WARS1: variants seen among roughly 807,000 people sequenced by gnomAD.
WARS1 encodes the protein tryptophanyl-tRNA synthetase 1.
A neutral mutation model predicts 47.8 loss-of-function variants in WARS1; 17 were observed. The observed-to-expected ratio is 0.36, with a 90% CI of 0.24 to 0.53. WARS1 has a LOEUF of 0.53. Ranked by LOEUF, WARS1 falls within the 20% of genes least tolerant of loss-of-function variation. The pLI, the probability that WARS1 is intolerant of heterozygous loss-of-function variation, is 0.91. For synonymous variants in WARS1, 208 were observed against 228.1 expected (o/e 0.91, Z 0.79); for missense variants, 434 against 608.0 (o/e 0.71, Z 3.01).
chr14:100,338,452 A>G (rs927740506), intron 9 of WARS1, among the ~76,000 whole-genome samples: 3 of 152,014 alleles, frequency 2.0e-5, no homozygotes, highest in Non-Finnish European at 2.9e-5. Context: ...TTTTTTGTAG[A>G]GACCAGGTTT....
In WARS1 at chr14:100,334,757, C is replaced by T; in HGVS notation, c.*118G>A. The T allele has an allele frequency of 8.2e-7, 1 of 1,226,644 alleles. No individual in the cohort carries two copies. Among genetic ancestry groups the T allele is most frequent in the Non-Finnish European group, 1.1e-6 (1 of 870,908 alleles). 76.0% of individuals were successfully genotyped at this position (1,226,644 alleles called of 1,614,324 possible). A position where few individuals can be genotyped will look rare whatever the true frequency, so the allele number is the denominator to read the frequency against. On this transcript the variant is annotated 3_prime_UTR_variant, in exon 11 of 11. Coordinates refer to ENST00000392882, the MANE Select transcript of WARS1 (RefSeq NM_004184.4). ...GATAACATACACAGGCTTACAGAGG[C>T]CAGGCCCAGTAATTACCATGAGACA...
At chr14:100,375,712 C>G (rs1281141254), upstream of WARS1, 2 of 152,072 alleles carry the variant, frequency 1.3e-5, no homozygotes, top group Non-Finnish European at 2.9e-5. Flanking sequence ...TAGTCGTGGG[C>G]GGTGGAAAGA....
intron 6 of WARS1, among the ~76,000 whole-genome samples, chr14:100,350,294 A>G (rs1894883542): frequency 6.9e-6 from 1 of 145,468 alleles, no homozygotes; most frequent in Admixed American, 7.1e-5. Context: ...CAGGAGGCTG[A>G]GGCATGAGAA....
At position 100,354,490 on chromosome 14, in the gene WARS1, C is replaced by T. The variant is rs763791025; in HGVS notation, c.499G>A (p.Glu167Lys). The T allele has an allele frequency of 1.2e-6, 2 of 1,614,176 alleles. No individual in the cohort carries two copies. The highest frequency in any genetic ancestry group is 2.2e-5 in the South Asian group (2 of 91,070). ...ATGAGGTGACCTACATGCATTGCTT[C>T]AGAAGAGGGGCCCCGGCCCGTGTAC... ...YLYTGRGPSS[E>K]AMHVGHLIPF... Residue 167 changes from glutamate to lysine, a missense_variant, in exon 5 of 11, where the codon GAA (glutamate) becomes AAA (lysine). Around this residue, in one of 2 missense-constraint regions of WARS1, gnomAD observed 347 missense variants for 523.8 expected, o/e 0.66. Coordinates refer to ENST00000392882, the MANE Select transcript of WARS1 (RefSeq NM_004184.4).
intron 10 of WARS1, among the ~76,000 whole-genome samples, chr14:100,335,822 T>C (rs910126883): frequency 6.6e-6 from 1 of 152,080 alleles, no homozygotes. Context: ...TGCCCAGAGG[T>C]GGGTCTCCCG....
At chr14:100,344,684 C>G (rs1479359248) in intron 7 of WARS1, among the ~76,000 whole-genome samples, 1 of 151,570 alleles carries the variant, frequency 6.6e-6, no homozygotes, top group Non-Finnish European at 1.5e-5. Context: ...TGAGGAGTGT[C>G]TCTGCCCGGC....
chr14:100,349,311 T>C (rs967352770), intron 6 of WARS1, among the ~76,000 whole-genome samples: 2 of 152,194 alleles, frequency 1.3e-5, no homozygotes, highest in African/African-American at 4.8e-5. Context: ...GATCACCTGT[T>C]AGCTGATTCT....
At chr14:100,372,686 A>T (rs1896421510) in intron 1 of WARS1, among the ~76,000 whole-genome samples, 1 of 152,218 alleles carries the variant, frequency 6.6e-6, no homozygotes, top group African/African-American at 2.4e-5. Flanking sequence ...CAAATCATCA[A>T]TCATCATGTC....
chr14:100,357,951 G>C (rs1895432696), intron 4 of WARS1, among the ~76,000 whole-genome samples: 1 of 152,148 alleles, frequency 6.6e-6, no homozygotes, highest in Non-Finnish European at 1.5e-5. Flanking sequence ...CATGTTCATG[G>C]ATTAGATGAA....
At chr14:100,376,171 G>A (rs531605171), upstream of WARS1, 1 of 219,918 alleles carries the variant, frequency 4.5e-6, no homozygotes, top group South Asian at 1.8e-4. Flanking sequence ...CTCCCGGGAG[G>A]GCCAGGCCAC....
intron 6 of WARS1, among the ~76,000 whole-genome samples, chr14:100,352,669 G>A (rs1269164921): frequency 6.6e-6 from 1 of 152,180 alleles, no homozygotes; most frequent in African/African-American, 2.4e-5. Flanking sequence ...GGGGAGTGGA[G>A]TAACATGCCT....
In WARS1 at chr14:100,361,756, T is replaced by A. The variant is rs759554285; in HGVS notation, c.265A>T (p.Thr89Ser). 1 of 1,614,022 alleles carries A rather than the reference T, an allele frequency of 6.2e-7. No homozygotes were observed. Among genetic ancestry groups the A allele is most frequent in the Admixed American group, 1.7e-5 (1 of 59,986 alleles). Reference protein sequence around the residue: ...EAEEDFVDPWTVQTSSAKGID... With the variant: ...EAEEDFVDPWSVQTSSAKGID... ...CCTTTTGCACTGCTTGTCTGTACTG[T>A]CCATGGGTCCACAAAATCCTCTTCA... is the stretch of plus-strand genomic sequence containing the variant. The change falls in exon 3 of 11, where the codon ACA becomes TCA. Residue 89 changes from threonine (T) to serine (S), a missense_variant. Thr to Ser is a moderately conservative substitution (Grantham distance 58). Around this residue, in one of 2 missense-constraint regions of WARS1, gnomAD observed 347 missense variants for 523.8 expected, o/e 0.66. Coordinates refer to ENST00000392882, the MANE Select transcript of WARS1 (RefSeq NM_004184.4).
rs185525130 is a variant in WARS1, at chr14:100,345,388, G to A, written c.826+1358C>T. Reference sequence around the variant, plus strand: ...CCCAACCCTGTGCTCTCTGAAACATGTGCTGAGTCTACTCAGGGTTAAATG... The same window carrying A: ...CCCAACCCTGTGCTCTCTGAAACATATGCTGAGTCTACTCAGGGTTAAATG... On this transcript the variant is annotated intron_variant, in intron 7 of 10. Coordinates refer to ENST00000392882, the MANE Select transcript of WARS1 (RefSeq NM_004184.4). 2.4e-3 allele frequency among the ~76,000 whole-genome samples: 371 copies of A among 152,324 alleles called. 1 individual carries two copies. The highest frequency in any genetic ancestry group is 0.011 in the South Asian group (52 of 4,824).
chr14:100,360,363 A>G (rs1031485803), intron 4 of WARS1, among the ~76,000 whole-genome samples, 191 bp downstream of exon 4: 16 of 152,104 alleles, frequency 1.1e-4, no homozygotes, highest in African/African-American at 3.9e-4. Flanking sequence ...AAAAACTAAG[A>G]GCCTGAGGGT....
intron 8 of WARS1, among the ~76,000 whole-genome samples, 172 bp downstream of exon 8, chr14:100,343,103 C>T (rs1894285629): frequency 6.6e-6 from 1 of 152,242 alleles, no homozygotes; most frequent in Non-Finnish European, 1.5e-5. Flanking sequence ...TCTTGAACTC[C>T]TGGCCTCAAG....
Position 100,354,230 on chromosome 14 carries a change from C to A in WARS1, c.542+217G>T. 5.2e-6 allele frequency: 3 copies of A among 580,808 alleles called. No homozygotes were observed. The South Asian group carries it at 7.5e-5, about 15-fold the overall frequency. 36.0% of individuals were successfully genotyped at this position (580,808 alleles called of 1,614,324 possible). ...GGAGCAGGATGAGAAGAGGAGCAGG[C>A]CTGGCTGACTCCAAAGCTGCGCTCT... On this transcript the variant is annotated intron_variant, in intron 5 of 10. Coordinates refer to ENST00000392882, the MANE Select transcript of WARS1 (RefSeq NM_004184.4).
Position 100,369,071 on chromosome 14 carries a change from C to G in WARS1, c.99+16G>C. ...GGCTCAGCTGCCTTCGTGGAGAACC[C>G]AGCAAAATCATGTACCTTTGACGCA... On this transcript the variant is annotated intron_variant, in intron 2 of 10. Transcript: ENST00000392882. 6.6e-7 allele frequency: 1 copy of G among 1,511,798 alleles called. No individual in the cohort carries two copies. The highest frequency in any genetic ancestry group is 9.0e-7 in the Non-Finnish European group (1 of 1,115,880). The allele number at this position is 1,511,798 out of a possible 1,614,324, so 93.6% of individuals were successfully genotyped here.
At chr14:100,339,222 G>A (rs111249227) in intron 9 of WARS1, among the ~76,000 whole-genome samples, 1 of 152,120 alleles carries the variant, frequency 6.6e-6, no homozygotes, top group Non-Finnish European at 1.5e-5. Context: ...GGGCAAAGGC[G>A]CCTGTCTCCA....
intron 2 of WARS1, among the ~76,000 whole-genome samples, chr14:100,366,463 A>G (rs80104063): frequency 0.013 from 1,926 of 152,312 alleles, 45 homozygotes; most frequent in African/African-American, 0.044. Flanking sequence ...GCCAAGAAAC[A>G]CCAAACAGTT....
Sources: allele counts gnomAD v4.1 joint callset (sites outside exome capture counted in the v4.1 genomes callset), GRCh38; gene constraint gnomAD v4.1.1; regional missense constraint gnomAD v4.1.1; transcripts MANE v1.5; gene names NCBI Gene and HGNC (gene_info 2026-07-23, HGNC 2026-07-21).